The following PTK2 variants were observed in gnomAD, a reference collection of about 807,000 sequenced individuals.
PTK2 encodes focal adhesion kinase 1.
In PTK2, 45 loss-of-function variants were observed where a neutral mutation model predicts 150.1. That is an observed-to-expected ratio of 0.30 (90% CI 0.24 to 0.38). The LOEUF is 0.38. Ranked by LOEUF, PTK2 falls within the 10% of genes least tolerant of loss-of-function variation. PTK2 has a pLI of 1.00. For missense variants in PTK2, 919 were observed against 1,307.3 expected (o/e 0.70, Z 4.58); for synonymous variants, 432 against 449.2 (o/e 0.96, Z 0.48).
chr8:140,959,067 A>G (rs918018109), intron 1 of PTK2, among the ~76,000 whole-genome samples: 4 of 152,208 alleles, frequency 2.6e-5, no homozygotes, highest in African/African-American at 9.6e-5. Context: ...CTATTCCTAT[A>G]AAGTTTAAAA....
chr8:140,733,944 A>G lies in PTK2; in HGVS notation c.2030+1307T>C, dbSNP rs2100051086. On this transcript the variant is annotated intron_variant, in intron 22 of 31. Transcript: ENST00000522684. ...ACCAGACTTTAAACTCTCTGGGGGC[A>G]GGGATTGGGTCTTGTTCACTGTTGG... 1.3e-5 allele frequency among the ~76,000 whole-genome samples: 2 copies of G among 152,200 alleles called. 1 individual carries two copies. The highest frequency in any genetic ancestry group is 4.1e-4 in the South Asian group (2 of 4,836).
At chr8:140,734,672 G>A (rs149417453) in intron 22 of PTK2, 948 of 500,390 alleles carry the variant, frequency 1.9e-3, no homozygotes, top group Non-Finnish European at 3.0e-3. Flanking sequence ...AGCAATGGAT[G>A]TTTTAAATAT....
At chr8:140,793,911 G>A (rs1289671442) in intron 12 of PTK2, among the ~76,000 whole-genome samples, 2 of 152,220 alleles carry the variant, frequency 1.3e-5, no homozygotes, top group Non-Finnish European at 2.9e-5. Flanking sequence ...GAGCCAGGCA[G>A]CTATCTACCA....
intron 1 of PTK2, among the ~76,000 whole-genome samples, chr8:140,982,706 T>G (rs959301637): frequency 2.0e-5 from 3 of 152,220 alleles, no homozygotes; most frequent in African/African-American, 7.2e-5. Context: ...CTATCTTTTT[T>G]AAAGAAATGC....
At chr8:140,712,290 A>G (rs1445931146) in intron 23 of PTK2, among the ~76,000 whole-genome samples, 1 of 151,992 alleles carries the variant, frequency 6.6e-6, no homozygotes, top group African/African-American at 2.4e-5. Context: ...CTTTAATGTT[A>G]GGCTTAACAG....
chr8:140,950,080 C>CCTCTCTG (rs1350389931), intron 1 of PTK2, among the ~76,000 whole-genome samples: 32 of 152,256 alleles, frequency 2.1e-4, no homozygotes, highest in South Asian at 6.2e-4. Context: ...CTTTGGGTCT[C>CCTCTCTG]CTGAGAGCTG....
At chr8:140,788,539 C>T (rs551583138) in intron 14 of PTK2, among the ~76,000 whole-genome samples, 70 of 152,180 alleles carry the variant, frequency 4.6e-4, no homozygotes, top group African/African-American at 1.6e-3. Flanking sequence ...CAAAAGTGAG[C>T]AGGGTGTGGT....
intron 1 of PTK2, among the ~76,000 whole-genome samples, chr8:140,971,978 T>C (rs2100187430): frequency 6.6e-6 from 1 of 152,248 alleles, no homozygotes; most frequent in Non-Finnish European, 1.5e-5. Flanking sequence ...AATAGAATTC[T>C]ATAAATGCCT....
chr8:140,950,541 C>T (rs942841640), intron 1 of PTK2, among the ~76,000 whole-genome samples: 11 of 152,234 alleles, frequency 7.2e-5, no homozygotes, highest in African/African-American at 2.7e-4. Flanking sequence ...AGCTCTGCGC[C>T]TGGCTCGCCC....
intron 27 of PTK2, 101 bp from the exon 31 acceptor site, chr8:140,675,600 A>G: frequency 1.2e-6 from 1 of 868,420 alleles, no homozygotes; most frequent in Non-Finnish European, 1.9e-6. Flanking sequence ...CTTCTAGGCT[A>G]GATTCTAGTG....
chr8:140,944,726 T>C (rs2100177081), intron 1 of PTK2, among the ~76,000 whole-genome samples: 1 of 152,190 alleles, frequency 6.6e-6, no homozygotes, highest in South Asian at 2.1e-4. Context: ...GCAAGTAATA[T>C]TTGTGTACAG....
chr8:140,953,792 A>G (rs577736648), intron 1 of PTK2, among the ~76,000 whole-genome samples: 5 of 152,052 alleles, frequency 3.3e-5, no homozygotes, highest in Non-Finnish European at 7.4e-5. Flanking sequence ...CTAATTTAGT[A>G]ATCTTTTTTT....
At chr8:140,966,455 G>A (rs556555149) in intron 1 of PTK2, among the ~76,000 whole-genome samples, 3 of 151,980 alleles carry the variant, frequency 2.0e-5, no homozygotes, top group African/African-American at 7.3e-5. Context: ...GCAACTTAAT[G>A]CATGTTGAAT....
chr8:140,840,778 C>T (rs1203364008), intron 7 of PTK2, among the ~76,000 whole-genome samples: 2 of 152,070 alleles, frequency 1.3e-5, no homozygotes, highest in African/African-American at 4.8e-5. Flanking sequence ...CTAAGAAATA[C>T]AGATGTACTA....
intron 2 of PTK2, among the ~76,000 whole-genome samples, chr8:140,911,046 A>ATTT (rs10706458): frequency 7.0e-6 from 1 of 143,456 alleles, no homozygotes; most frequent in Admixed American, 7.0e-5. Flanking sequence ...GCCCAGCTAA[A>ATTT]TTTTTTTTTT....
intron 20 of PTK2, among the ~76,000 whole-genome samples, chr8:140,740,032 G>C (rs4529507): frequency 6.6e-6 from 1 of 152,192 alleles, no homozygotes; most frequent in African/African-American, 2.4e-5. Flanking sequence ...GAGCAGGAAG[G>C]GGCAATGGGA....
rs1181421194 is a variant in PTK2, at chr8:140,693,564, T to TTAAAAAAAAAAAAAAAAAAAA, written c.2500-6871_2500-6870insTTTTTTTTTTTTTTTTTTTTA. ...CCACAGAGTGAGACTTTGTCTCAAT[T>TTAAAAAAAAAAAAAAAAAAAA]AAAAAAAAAAAAAAAAAAAAAAAAA... On this transcript the variant is annotated intron_variant, in intron 26 of 31. Transcript: ENST00000522684. Among the ~76,000 whole-genome samples, 4 of 72,458 alleles carry TTAAAAAAAAAAAAAAAAAAAA rather than the reference T, an allele frequency of 5.5e-5. 2 individuals are homozygous for TTAAAAAAAAAAAAAAAAAAAA. Among genetic ancestry groups the TTAAAAAAAAAAAAAAAAAAAA allele is most frequent in the African/African-American group, 2.4e-4 (4 of 16,654 alleles). The allele number at this position is 72,458 out of a possible 152,430, so 47.5% of individuals were successfully genotyped here.
At chr8:140,688,000 T>G (rs2100020971) in intron 26 of PTK2, among the ~76,000 whole-genome samples, 1 of 152,138 alleles carries the variant, frequency 6.6e-6, no homozygotes. Context: ...GGCTAATCAC[T>G]AAAAGGGGGC....
At chr8:140,948,747 G>A (rs1045441404) in intron 1 of PTK2, 2 of 152,116 alleles carry the variant, frequency 1.3e-5, no homozygotes, top group African/African-American at 4.8e-5. Context: ...GGAAAAAAAT[G>A]AATGACTGCA....
Sources: allele counts gnomAD v4.1 joint callset (sites outside exome capture counted in the v4.1 genomes callset), GRCh38; gene constraint gnomAD v4.1.1; transcripts MANE v1.5; gene names NCBI Gene and HGNC (gene_info 2026-07-23, HGNC 2026-07-21).